The following AMPH variants were observed in gnomAD, a reference collection of about 807,000 sequenced individuals.
AMPH encodes amphiphysin (Stiff-Mann syndrome with breast cancer 128kD autoantigen).
In AMPH, 49 loss-of-function variants were observed where a neutral mutation model predicts 99.1. The observed-to-expected ratio is 0.49, with a 90% CI of 0.39 to 0.63. The LOEUF is 0.63. Among genes scored for constraint, AMPH ranks in the 20% least tolerant of loss-of-function variants. The probability of loss-of-function intolerance (pLI) is 0.00; values close to 1 mark genes in which losing one functional copy is unlikely to be tolerated. For synonymous variants in AMPH, 314 were observed against 317.3 expected, an observed-to-expected ratio of 0.99 and a Z score of 0.11; for missense variants, 759 against 863.4, an observed-to-expected ratio of 0.88 and a Z score of 1.52.
rs564216118 is a variant in AMPH, at chr7:38,478,525, T to C, written c.397-1556A>G. Among the ~76,000 whole-genome samples the C allele has an allele frequency of 2.6e-5, 4 of 152,272 alleles. No individual in the cohort carries two copies. The East Asian group carries it at 7.7e-4, about 29-fold the overall frequency. ...ACATAAATATTATTTCAGTACTCAC[T>C]ATCCTATACATGATGTCTGGCATTC... On this transcript the variant is annotated intron_variant, in intron 5 of 20. Coordinates refer to ENST00000356264, the MANE Select transcript of AMPH (RefSeq NM_001635.4).
In AMPH at chr7:38,571,104, ATTC is replaced by A. The variant is rs1562834803; in HGVS notation, c.70-36096_70-36094del. On this transcript the variant is annotated intron_variant, in intron 1 of 20. Coordinates refer to ENST00000356264, the MANE Select transcript of AMPH (RefSeq NM_001635.4). ...ATATATTCATATATTGAATATATAT[ATTC>A]ATATATACAGTATATATGAATATAT... Among the ~76,000 whole-genome samples the A allele has an allele frequency of 7.3e-4, 54 of 74,142 alleles. 7 individuals carry two copies. Among genetic ancestry groups the A allele is most frequent in the East Asian group, 5.1e-3 (11 of 2,176 alleles). 48.6% of individuals were successfully genotyped at this position (74,142 alleles called of 152,430 possible).
intron 5 of AMPH, among the ~76,000 whole-genome samples, chr7:38,486,966 C>T (rs1485119327): frequency 6.6e-6 from 1 of 152,134 alleles, no homozygotes; most frequent in African/African-American, 2.4e-5. Context: ...TTACAGTTAA[C>T]ATCATATCCA....
intron 17 of AMPH, among the ~76,000 whole-genome samples, chr7:38,397,648 GA>G (rs1303946885): frequency 2.6e-5 from 4 of 152,134 alleles, no homozygotes; most frequent in Non-Finnish European, 4.4e-5. Context: ...CACACAAAGC[GA>G]AAATGGACAA....
chr7:38,479,409 C>A (rs1167271535), intron 5 of AMPH, among the ~76,000 whole-genome samples: 1 of 151,602 alleles, frequency 6.6e-6, no homozygotes, highest in Non-Finnish European at 1.5e-5. Context: ...GAATTCATTG[C>A]CAGCATAAGA....
intron 17 of AMPH, 78 bp downstream of exon 17, chr7:38,417,747 G>A (rs1785432857): frequency 6.4e-7 from 1 of 1,557,722 alleles, no homozygotes; most frequent in Admixed American, 1.8e-5. Context: ...GCAAAGATGA[G>A]AGCGATGCAT....
chr7:38,589,167 T>A (rs1480574861), intron 1 of AMPH, among the ~76,000 whole-genome samples: 3 of 152,148 alleles, frequency 2.0e-5, no homozygotes, highest in African/African-American at 7.2e-5. Context: ...AAAGTAGAAA[T>A]AAGATAATCA....
intron 12 of AMPH, among the ~76,000 whole-genome samples, chr7:38,434,916 T>C (rs1444946412): frequency 6.6e-6 from 1 of 152,232 alleles, no homozygotes; most frequent in Non-Finnish European, 1.5e-5. Flanking sequence ...GACAATACTT[T>C]AGCATTTCTC....
chr7:38,455,846 C>T (rs1348766061), intron 11 of AMPH, among the ~76,000 whole-genome samples: 2 of 152,238 alleles, frequency 1.3e-5, no homozygotes, highest in African/African-American at 4.8e-5. Flanking sequence ...GCATTCTGCT[C>T]TGGGGCAGAT....
At chr7:38,567,497 T>C (rs1016546140) in intron 1 of AMPH, among the ~76,000 whole-genome samples, 14 of 152,098 alleles carry the variant, frequency 9.2e-5, no homozygotes, top group African/African-American at 3.4e-4. Flanking sequence ...GTAACAAACC[T>C]ACACATTGTG....
At position 38,462,984 on chromosome 7, in the gene AMPH, T is replaced by C. The variant is rs1373331006; in HGVS notation, c.879A>G (p.Ser293=). Residue 293 remains serine, a synonymous_variant, in exon 10 of 21, where the codon TCA becomes TCG. Transcript: ENST00000356264. ...PASPAPARPR[S]PSQTRKGPPV... is the part of the protein sequence containing the mutation. The stretch of plus-strand genomic sequence containing the variant: ...TTTGACCTCTTCCTACCTGTGAAGG[T>C]GACCGAGGCCGTGCTGGTGCGGGAG... 8 of 1,574,186 alleles carry C rather than the reference T, an allele frequency of 5.1e-6. No homozygotes were observed. The highest frequency in any genetic ancestry group is 2.3e-4 in the Middle Eastern group (1 of 4,374).
chr7:38,500,917 G>T (rs1444592330), intron 3 of AMPH, among the ~76,000 whole-genome samples: 3 of 152,184 alleles, frequency 2.0e-5, no homozygotes, highest in Non-Finnish European at 4.4e-5. Flanking sequence ...TTAGAAACAG[G>T]TAATATGCCT....
intron 1 of AMPH, among the ~76,000 whole-genome samples, chr7:38,612,209 TG>T (rs1215430528): frequency 6.7e-6 from 1 of 149,440 alleles, no homozygotes; most frequent in African/African-American, 2.5e-5. Context: ...CCCAAGTAGC[TG>T]GGATTATAGG....
At chr7:38,417,492 G>A (rs376850133) in intron 17 of AMPH, among the ~76,000 whole-genome samples, 2 of 152,160 alleles carry the variant, frequency 1.3e-5, no homozygotes, top group Admixed American at 1.3e-4. Flanking sequence ...TTTATCACAT[G>A]CAAGTTCCCT....
intron 11 of AMPH, among the ~76,000 whole-genome samples, chr7:38,450,333 A>G (rs1562763552): frequency 6.6e-6 from 1 of 152,216 alleles, no homozygotes; most frequent in Non-Finnish European, 1.5e-5. Context: ...CCTCTCTGCC[A>G]CTGGACACAA....
chr7:38,454,347 G>C (rs949028072), intron 11 of AMPH, among the ~76,000 whole-genome samples: 1 of 152,126 alleles, frequency 6.6e-6, no homozygotes. Flanking sequence ...AGTGATTGAT[G>C]TACTCAGTAA....
At chr7:38,463,777 C>G (rs563076907) in intron 9 of AMPH, among the ~76,000 whole-genome samples, 1 of 152,266 alleles carries the variant, frequency 6.6e-6, no homozygotes, top group African/African-American at 2.4e-5. Context: ...TACTAAGAAC[C>G]CACCATGTTC....
intron 1 of AMPH, among the ~76,000 whole-genome samples, chr7:38,577,730 G>A (rs185808765): frequency 2.0e-5 from 3 of 151,114 alleles, no homozygotes; most frequent in Admixed American, 6.6e-5. Flanking sequence ...AGAAGGAAGG[G>A]CACAAGGGAG....
intron 4 of AMPH, among the ~76,000 whole-genome samples, chr7:38,493,128 G>A (rs553483099): frequency 2.0e-5 from 3 of 152,300 alleles, no homozygotes; most frequent in Non-Finnish European, 4.4e-5. Context: ...ATGTCAGGGT[G>A]TCAGAATATC....
intron 1 of AMPH, among the ~76,000 whole-genome samples, chr7:38,629,484 T>A (rs148938728): frequency 6.6e-6 from 1 of 152,178 alleles, no homozygotes; most frequent in Non-Finnish European, 1.5e-5. Context: ...CACTTGACCT[T>A]GATCGTGAAA....
Sources: gnomAD v4.1 joint callset for allele counts (sites outside exome capture counted in the v4.1 genomes callset) on GRCh38, gnomAD v4.1.1 for gene constraint, MANE v1.5 for transcripts, NCBI Gene and HGNC (gene_info 2026-07-23, HGNC 2026-07-21) for gene names.